RUNDC3B: variants seen among roughly 807,000 people sequenced by gnomAD.
The protein encoded by RUNDC3B is RUN domain-containing protein 3B.
RUNDC3B carries 33 observed loss-of-function variants against 58.4 expected under a neutral mutation model. The ratio of observed to expected loss-of-function variants is 0.56; its 90% confidence interval spans 0.43 to 0.75. The LOEUF (loss-of-function observed/expected upper bound fraction) is 0.75, where lower values mean the gene tolerates loss of function less well. RUNDC3B is among the 30% of genes least tolerant of loss of function. The probability of loss-of-function intolerance (pLI) is 0.00; values close to 1 mark genes in which losing one functional copy is unlikely to be tolerated. For missense variants in RUNDC3B, 501 were observed against 535.7 expected (o/e 0.94, Z 0.64); for synonymous variants, 193 against 195.2 (o/e 0.99, Z 0.10).
At chr7:87,694,854 ACCTGTT>A (rs1382152789) in intron 2 of RUNDC3B, among the ~76,000 whole-genome samples, 1 of 152,116 alleles carries the variant, frequency 6.6e-6, no homozygotes, top group Non-Finnish European at 1.5e-5. Context: ...TTTTTGCTGA[ACCTGTT>A]CATCTTAATC....
At position 87,673,702 on chromosome 7, in the gene RUNDC3B, A is replaced by G. The variant is rs77976438; in HGVS notation, c.238+22765A>G. 2.3e-3 allele frequency among the ~76,000 whole-genome samples: 348 copies of G among 152,248 alleles called. 9 individuals are homozygous for G. The East Asian group carries it at 0.053, about 23-fold the overall frequency. On this transcript the variant is annotated intron_variant, in intron 2 of 10. Coordinates refer to ENST00000394654, the MANE Select transcript of RUNDC3B (RefSeq NM_001134405.2). The stretch of plus-strand genomic sequence containing the variant: ...CATTCGTATCCATGTTCTGAATTCT[A>G]TGTCACTCATTTCAGCCATTTCAGC...
At chr7:87,811,572 A>G (rs777596244) in intron 9 of RUNDC3B, among the ~76,000 whole-genome samples, 7 of 152,128 alleles carry the variant, frequency 4.6e-5, no homozygotes, top group Non-Finnish European at 8.8e-5. Context: ...TCTTGACCTC[A>G]TGACCCACCC....
intron 6 of RUNDC3B, among the ~76,000 whole-genome samples, chr7:87,764,997 T>G (rs1373297649): frequency 1.3e-5 from 2 of 151,894 alleles, no homozygotes; most frequent in Admixed American, 1.3e-4. Flanking sequence ...TTTATTGGTC[T>G]GTTCAGGATT....
chr7:87,641,507 C>G (rs1053583721), intron 1 of RUNDC3B, among the ~76,000 whole-genome samples: 9 of 152,108 alleles, frequency 5.9e-5, no homozygotes, highest in Non-Finnish European at 1.2e-4. Flanking sequence ...TTTCTAGCAC[C>G]CTTCCTCCAG....
chr7:87,821,963 T>G (rs1235570598), intron 10 of RUNDC3B, among the ~76,000 whole-genome samples: 1 of 152,070 alleles, frequency 6.6e-6, no homozygotes, highest in African/African-American at 2.4e-5. Flanking sequence ...GGCAATACCA[T>G]TCAGGACATA....
intron 2 of RUNDC3B, chr7:87,693,760 A>T: frequency 1.5e-6 from 1 of 648,692 alleles, no homozygotes. Context: ...ATCTTAACAG[A>T]GTTCATTTAT....
At chr7:87,704,416 C>T (rs1232478947) in intron 3 of RUNDC3B, among the ~76,000 whole-genome samples, 1 of 152,092 alleles carries the variant, frequency 6.6e-6, no homozygotes, top group Non-Finnish European at 1.5e-5. Context: ...TATTCTAAAC[C>T]CTTTCAATAG....
intron 10 of RUNDC3B, among the ~76,000 whole-genome samples, chr7:87,817,489 A>C (rs567993759): frequency 3.9e-5 from 6 of 152,058 alleles, no homozygotes; most frequent in African/African-American, 1.4e-4. Context: ...ATTTCATACC[A>C]TTCTTTTCCT....
chr7:87,696,149 T>C (rs1388149436), intron 2 of RUNDC3B, among the ~76,000 whole-genome samples: 5 of 152,170 alleles, frequency 3.3e-5, no homozygotes, highest in African/African-American at 1.2e-4. Context: ...ATTGTATACC[T>C]ATATTCATTG....
intron 2 of RUNDC3B, among the ~76,000 whole-genome samples, chr7:87,692,793 G>C (rs949523101): frequency 1.3e-5 from 2 of 152,136 alleles, no homozygotes; most frequent in African/African-American, 4.8e-5. Context: ...TTTCATTTTT[G>C]TTTGTTGTAG....
intron 4 of RUNDC3B, among the ~76,000 whole-genome samples, chr7:87,738,043 T>C (rs1832089262): frequency 6.6e-6 from 1 of 152,094 alleles, no homozygotes; most frequent in Non-Finnish European, 1.5e-5. Flanking sequence ...TTAGAATGTA[T>C]TTTTTAAACA....
chr7:87,647,296 T>C (rs1823106293), intron 1 of RUNDC3B, among the ~76,000 whole-genome samples: 1 of 148,200 alleles, frequency 6.7e-6, no homozygotes, highest in African/African-American at 2.7e-5. Context: ...TTCCATTCTC[T>C]TTTGTTGTTG....
At chr7:87,763,780 T>C (rs1833826723) in intron 6 of RUNDC3B, among the ~76,000 whole-genome samples, 1 of 151,856 alleles carries the variant, frequency 6.6e-6, no homozygotes, top group East Asian at 1.9e-4. Context: ...CAGGCAAATA[T>C]TCTTTGCTAT....
At chr7:87,741,869 G>A (rs1484530262) in intron 6 of RUNDC3B, among the ~76,000 whole-genome samples, 3 of 152,100 alleles carry the variant, frequency 2.0e-5, no homozygotes. Flanking sequence ...TAATAGATCT[G>A]AAATAGTCTA....
At chr7:87,791,417 C>T (rs1199951455) in intron 8 of RUNDC3B, among the ~76,000 whole-genome samples, 1 of 151,960 alleles carries the variant, frequency 6.6e-6, no homozygotes, top group Non-Finnish European at 1.5e-5. Flanking sequence ...GTAATAGCCA[C>T]AGAAAAACAG....
At chr7:87,640,253 A>G (rs1184555399) in intron 1 of RUNDC3B, among the ~76,000 whole-genome samples, 1 of 151,182 alleles carries the variant, frequency 6.6e-6, no homozygotes, top group Non-Finnish European at 1.5e-5. Context: ...TACAGTAGGT[A>G]TTTAGGAAAT....
At chr7:87,780,495 A>G (rs1316723268) in intron 8 of RUNDC3B, among the ~76,000 whole-genome samples, 1 of 152,064 alleles carries the variant, frequency 6.6e-6, no homozygotes, top group East Asian at 1.9e-4. Flanking sequence ...CAGGTTCTAG[A>G]TATTAGACAT....
In RUNDC3B at chr7:87,699,099, C is replaced by T. The variant is rs28381728; in HGVS notation, c.239-1322C>T. Among the ~76,000 whole-genome samples the T allele has an allele frequency of 7.8e-3, 1,188 of 152,212 alleles. 20 individuals are homozygous for T. Among genetic ancestry groups the T allele is most frequent in the African/African-American group, 0.027 (1,126 of 41,522 alleles). On this transcript the variant is annotated intron_variant, in intron 2 of 10. Coordinates refer to ENST00000394654, the MANE Select transcript of RUNDC3B (RefSeq NM_001134405.2). ...ACTAATGTTCTGCCATGGTTTGGAA[C>T]CACTCAGATATTATCTCAGACATTG...
chr7:87,778,440 C>CAA (rs34916526), intron 8 of RUNDC3B, among the ~76,000 whole-genome samples: 60 of 69,306 alleles, frequency 8.7e-4, no homozygotes, highest in African/African-American at 2.2e-3. Context: ...AAAACTCTGT[C>CAA]AAAAAAAAAA....
Sources: allele counts gnomAD v4.1 joint callset (sites outside exome capture counted in the v4.1 genomes callset), GRCh38; gene constraint gnomAD v4.1.1; transcripts MANE v1.5; gene names NCBI Gene and HGNC (gene_info 2026-07-23, HGNC 2026-07-21).